Variants in FGF10 observed in about 807,000 individuals in gnomAD.
FGF10 encodes FGF-10.
Under a neutral mutation model 19.8 loss-of-function variants are expected in FGF10, and 2 were observed. The ratio of observed to expected loss-of-function variants is 0.10; its 90% CI spans 0.04 to 0.32. FGF10 has a LOEUF of 0.32. FGF10 is among the 10% of genes least tolerant of loss of function. The pLI is 1.00. For missense variants in FGF10, 191 were observed against 246.3 expected, an observed-to-expected ratio of 0.78 and a Z score of 1.50; for synonymous variants, 112 against 94.0, an observed-to-expected ratio of 1.19 and a Z score of -1.10.
At chr5:44,346,269 T>A (rs1382370986) in intron 1 of FGF10, among the ~76,000 whole-genome samples, 1 of 151,796 alleles carries the variant, frequency 6.6e-6, no homozygotes, top group Non-Finnish European at 1.5e-5. Context: ...CTGTCAGTGC[T>A]ATCCAAAACC....
chr5:44,361,836 C>A (rs540915649), intron 1 of FGF10, among the ~76,000 whole-genome samples: 1 of 151,732 alleles, frequency 6.6e-6, no homozygotes, highest in South Asian at 2.1e-4. Flanking sequence ...TCCTAAGCAC[C>A]TATATACCAT....
At chr5:44,315,386 G>A (rs1740315581) in intron 1 of FGF10, among the ~76,000 whole-genome samples, 1 of 152,038 alleles carries the variant, frequency 6.6e-6, no homozygotes, top group African/African-American at 2.4e-5. Context: ...CATAAAAACA[G>A]GCTTGGAGAG....
chr5:44,347,540 G>C (rs1741116118), intron 1 of FGF10, among the ~76,000 whole-genome samples: 1 of 151,660 alleles, frequency 6.6e-6, no homozygotes, highest in African/African-American at 2.4e-5. Flanking sequence ...AAAACTCTGA[G>C]GGCTGTTCTT....
chr5:44,329,287 C>T (rs943315256), intron 1 of FGF10, among the ~76,000 whole-genome samples: 1 of 152,178 alleles, frequency 6.6e-6, no homozygotes, highest in African/African-American at 2.4e-5. Flanking sequence ...AGTGATTCTT[C>T]TGCCTCAGCC....
chr5:44,338,331 A>T (rs1015529857), intron 1 of FGF10, among the ~76,000 whole-genome samples: 1 of 152,158 alleles, frequency 6.6e-6, no homozygotes, highest in African/African-American at 2.4e-5. Flanking sequence ...ACCAATATTT[A>T]GTACTTGTTT....
intron 1 of FGF10, among the ~76,000 whole-genome samples, chr5:44,382,714 G>C (rs1457846131): frequency 6.6e-6 from 1 of 152,104 alleles, no homozygotes; most frequent in African/African-American, 2.4e-5. Flanking sequence ...TAAATGACTT[G>C]AGACAAAATG....
chr5:44,311,839 A>T (rs1401182418), intron 1 of FGF10, among the ~76,000 whole-genome samples: 2 of 152,092 alleles, frequency 1.3e-5, no homozygotes, highest in African/African-American at 4.8e-5. Context: ...CAGTCTACAG[A>T]TTATATGTTT....
chr5:44,339,563 C>T (rs752017296), intron 1 of FGF10, among the ~76,000 whole-genome samples: 9 of 152,098 alleles, frequency 5.9e-5, no homozygotes, highest in Non-Finnish European at 1.3e-4. Context: ...GCAATGATAA[C>T]CTTCTATCAA....
At position 44,389,044 on chromosome 5, in the gene FGF10, A is replaced by G. The variant is rs1171975245; in HGVS notation, c.-362T>C. ...TTTACTCCTTTCTTCACCATGTTAGATGCCAAAAAGGTCTGAAAAACAGAT... is the reference window on the plus strand; with the variant it reads ...TTTACTCCTTTCTTCACCATGTTAGGTGCCAAAAAGGTCTGAAAAACAGAT... On this transcript the variant is annotated 5_prime_UTR_variant, in exon 1 of 3. Coordinates refer to ENST00000264664, the MANE Select transcript of FGF10 (RefSeq NM_004465.2). The G allele has an allele frequency of 2.7e-6, 1 of 367,292 alleles. No homozygotes were observed. Among genetic ancestry groups the G allele is most frequent in the African/African-American group, 2.1e-5 (1 of 48,326 alleles). The allele number at this position is 367,292 out of a possible 1,614,324, so 22.8% of individuals were successfully genotyped here. A position where few individuals can be genotyped will look rare whatever the true frequency, so the allele number is the denominator to read the frequency against.
intron 1 of FGF10, among the ~76,000 whole-genome samples, chr5:44,333,176 T>A (rs995366856): frequency 6.6e-6 from 1 of 152,142 alleles, no homozygotes; most frequent in African/African-American, 2.4e-5. Flanking sequence ...TAAACATACA[T>A]ATTAAAATCA....
chr5:44,367,207 A>AT (rs1218224756), intron 1 of FGF10, among the ~76,000 whole-genome samples: 4 of 152,028 alleles, frequency 2.6e-5, no homozygotes, highest in Non-Finnish European at 4.4e-5. Context: ...AAAAAAATCC[A>AT]TTTTTTTCAT....
chr5:44,387,000 T>C (rs1260234464), intron 1 of FGF10, among the ~76,000 whole-genome samples: 2 of 152,214 alleles, frequency 1.3e-5, no homozygotes, highest in African/African-American at 2.4e-5. Flanking sequence ...GACAAGACAA[T>C]CTATGCTTAG....
intron 2 of FGF10, among the ~76,000 whole-genome samples, chr5:44,306,773 A>G: frequency 6.6e-6 from 1 of 152,332 alleles, no homozygotes; most frequent in Non-Finnish European, 1.5e-5. Context: ...TCTCTTCTAT[A>G]AAGTAATATT....
intron 1 of FGF10, among the ~76,000 whole-genome samples, chr5:44,364,416 C>T (rs1165843220): frequency 6.6e-6 from 1 of 151,688 alleles, no homozygotes; most frequent in Non-Finnish European, 1.5e-5. Flanking sequence ...TTTTCAATTC[C>T]TCAGCCTACA....
intron 1 of FGF10, among the ~76,000 whole-genome samples, chr5:44,354,047 C>T (rs1344439646): frequency 6.6e-6 from 1 of 151,366 alleles, no homozygotes; most frequent in African/African-American, 2.4e-5. Flanking sequence ...ATAACTCTCT[C>T]TGGAGTTCTT....
intron 1 of FGF10, among the ~76,000 whole-genome samples, chr5:44,317,247 G>A (rs17234408): frequency 6.6e-6 from 1 of 152,090 alleles, no homozygotes; most frequent in African/African-American, 2.4e-5. Context: ...CATGCATTTG[G>A]AATTACAGAT....
At chr5:44,319,336 A>G (rs1158220605) in intron 1 of FGF10, among the ~76,000 whole-genome samples, 2 of 152,222 alleles carry the variant, frequency 1.3e-5, no homozygotes, top group Non-Finnish European at 2.9e-5. Flanking sequence ...ACTGTCTACC[A>G]CATTTACTCA....
chr5:44,356,810 T>C (rs1403641015), intron 1 of FGF10, among the ~76,000 whole-genome samples: 1 of 151,364 alleles, frequency 6.6e-6, no homozygotes. Context: ...AAAAGGTGTC[T>C]AGGATGGTTT....
intron 1 of FGF10, among the ~76,000 whole-genome samples, chr5:44,387,678 G>A (rs1459763667): frequency 6.6e-6 from 1 of 152,146 alleles, no homozygotes; most frequent in Non-Finnish European, 1.5e-5. Flanking sequence ...AAGACAAATA[G>A]CAGCGGTGGT....
Sources: gnomAD v4.1 joint callset for allele counts (sites outside exome capture counted in the v4.1 genomes callset) on GRCh38, gnomAD v4.1.1 for gene constraint, MANE v1.5 for transcripts, NCBI Gene and HGNC (gene_info 2026-07-23, HGNC 2026-07-21) for gene names.